C6: variants seen among roughly 807,000 people sequenced by gnomAD.
C6 encodes the protein complement component C6.
C6 carries 101 observed loss-of-function variants against 112.9 expected under a neutral mutation model. That is an observed-to-expected ratio of 0.89 (90% CI 0.76 to 1.06). The LOEUF is 1.06. Among genes scored for constraint, C6 ranks in the 50% least tolerant of loss-of-function variants. The pLI, the probability that C6 is intolerant of heterozygous loss-of-function variation, is 0.00. For synonymous variants in C6, 431 were observed against 384.1 expected, an observed-to-expected ratio of 1.12 and a Z score of -1.43; for missense variants, 1,202 against 1,104.6, an observed-to-expected ratio of 1.09 and a Z score of -1.25.
chr5:41,157,756 A>G (rs1747055671), intron 13 of C6, among the ~76,000 whole-genome samples: 1 of 152,190 alleles, frequency 6.6e-6, no homozygotes, highest in African/African-American at 2.4e-5. Context: ...AGTGAGACCC[A>G]ATGATCTGTG....
At chr5:41,197,615 G>A (rs1328572159) in intron 4 of C6, among the ~76,000 whole-genome samples, 7 of 152,152 alleles carry the variant, frequency 4.6e-5, no homozygotes, top group African/African-American at 1.7e-4. Flanking sequence ...TTAGCTTTGT[G>A]AGCAGAGTAC....
At chr5:41,255,778 G>A (rs942311659) in intron 1 of C6, among the ~76,000 whole-genome samples, 1 of 152,202 alleles carries the variant, frequency 6.6e-6, no homozygotes, top group African/African-American at 2.4e-5. Flanking sequence ...AATATGAGTG[G>A]CCAGCTTGGT....
chr5:41,231,901 T>TC (rs1449179327), intron 1 of C6, among the ~76,000 whole-genome samples: 2 of 151,938 alleles, frequency 1.3e-5, no homozygotes, highest in Non-Finnish European at 1.5e-5. Context: ...GTTTTTTTTT[T>TC]CTGGCACAGT....
rs74610007 is a variant in C6 at position 41,259,777 on chromosome 5, T to G, written c.-21+1417A>C. Among the ~76,000 whole-genome samples the G allele has an allele frequency of 1.6e-3, 239 of 152,332 alleles. 12 individuals carry two copies. In the East Asian group the frequency reaches 0.044, roughly 28 times the overall value. On this transcript the variant is annotated intron_variant, in intron 1 of 17. Transcript: ENST00000263413. Reference sequence around the variant, plus strand: ...AATAAAATTATCCATTATTTTTTCCTAATATCTCCCAAATGTCGTACCTAT... The same window carrying G: ...AATAAAATTATCCATTATTTTTTCCGAATATCTCCCAAATGTCGTACCTAT...
At chr5:41,202,984 G>A in intron 2 of C6, 104 bp downstream of exon 2, 1 of 1,089,250 alleles carries the variant, frequency 9.2e-7, no homozygotes, top group Non-Finnish European at 1.4e-6. Flanking sequence ...TTCTTACTTT[G>A]ATATATATAT....
At chr5:41,241,143 C>T (rs1457380917) in intron 1 of C6, among the ~76,000 whole-genome samples, 2 of 152,144 alleles carry the variant, frequency 1.3e-5, no homozygotes, top group Non-Finnish European at 2.9e-5. Context: ...CCCTGGTTGG[C>T]ATGCCCCAGC....
chr5:41,169,087 A>G (rs1324214787), intron 9 of C6, among the ~76,000 whole-genome samples: 1 of 152,172 alleles, frequency 6.6e-6, no homozygotes, highest in Non-Finnish European at 1.5e-5. Flanking sequence ...AAGGATATGG[A>G]TCTAGTAACC....
intron 5 of C6, among the ~76,000 whole-genome samples, chr5:41,195,462 A>T (rs879279945): frequency 3.3e-5 from 5 of 151,952 alleles, no homozygotes; most frequent in Non-Finnish European, 7.4e-5. Context: ...CCACCCTGGC[A>T]CCTCCCAGCT....
intron 5 of C6, 86 bp from the exon 6 acceptor site, chr5:41,186,294 C>T: frequency 6.8e-7 from 1 of 1,463,462 alleles, no homozygotes. Flanking sequence ...AATTCCTCTT[C>T]TAAACCTTTT....
intron 1 of C6, among the ~76,000 whole-genome samples, chr5:41,228,538 T>C (rs1407306789): frequency 6.6e-6 from 1 of 152,158 alleles, no homozygotes; most frequent in African/African-American, 2.4e-5. Context: ...TTCCTAATTG[T>C]TGAGAAAAAG....
rs201235526 is a variant in C6 at position 41,160,242 on chromosome 5, A to T, written c.1584T>A (p.Asn528Lys). The T allele has an allele frequency of 6.2e-7, 1 of 1,613,914 alleles. No homozygotes were observed. The highest frequency in any genetic ancestry group is 2.2e-5 in the East Asian group (1 of 44,876). The change falls in exon 11 of 18, where the codon AAT becomes AAA. Residue 528 changes from asparagine (N) to lysine (K), a missense_variant. Coordinates refer to ENST00000337836, the MANE Select transcript of C6 (RefSeq NM_000065.5). ...TCCCTGAGAGGGTGGGTCGGCCATT[A>T]TTAGGGCATGGAGCACACTGGCAAG... is the stretch of plus-strand genomic sequence containing the variant. The part of the protein sequence containing the change: ...FDPCQCAPCP[N>K]NGRPTLSGTE...
At chr5:41,143,138 A>C in intron 17 of C6, 132 bp from the exon 18 acceptor site, 1 of 757,920 alleles carries the variant, frequency 1.3e-6, no homozygotes. Flanking sequence ...TTCTCTAATG[A>C]ATGAGAAAGC....
At position 41,153,904 on chromosome 5, in the gene C6, G is replaced by T; in HGVS notation, c.2196C>A (p.Cys732Ter). The change falls in exon 15 of 18, where the codon TGC becomes TGA. Residue 732 changes from cysteine to a stop codon, truncating the protein, a stop_gained. Transcript: ENST00000337836. LOFTEE classifies it high-confidence loss of function. ...YRIGESIELT[C>*]PKGFVVAGPS... is the part of the protein sequence containing the mutation. ...GCCCAGCAACAACAAAGCCTTTGGG[G>T]CAAGTTAGCTCAATGGATTCACCAA... The T allele has an allele frequency of 6.2e-7, 1 of 1,613,518 alleles. No individual in the cohort carries two copies. Among genetic ancestry groups the T allele is most frequent in the East Asian group, 2.2e-5 (1 of 44,844 alleles).
chr5:41,197,225 TC>T (rs1750685557), intron 4 of C6, among the ~76,000 whole-genome samples: 1 of 152,136 alleles, frequency 6.6e-6, no homozygotes, highest in South Asian at 2.1e-4. Flanking sequence ...AATTACATTT[TC>T]CATCTTGCAT....
intron 1 of C6, among the ~76,000 whole-genome samples, chr5:41,207,064 C>T (rs544560322): frequency 2.6e-5 from 4 of 152,254 alleles, no homozygotes; most frequent in East Asian, 1.9e-4. Context: ...AGAGTAGGGG[C>T]CAATATACAA....
chr5:41,225,345 G>T (rs1348327312), intron 1 of C6, among the ~76,000 whole-genome samples: 7 of 151,660 alleles, frequency 4.6e-5, no homozygotes, highest in African/African-American at 1.5e-4. Flanking sequence ...GCGATAGTTT[G>T]CTGAGAATGG....
intron 7 of C6, among the ~76,000 whole-genome samples, chr5:41,178,802 A>G (rs995761883): frequency 2.7e-5 from 4 of 150,882 alleles, no homozygotes; most frequent in Non-Finnish European, 5.9e-5. Flanking sequence ...AAATTCCTTA[A>G]TTCTGTTCAG....
exon 1 of C6, chr5:41,261,289 T>G: frequency 4.4e-6 from 3 of 682,858 alleles, no homozygotes; most frequent in Non-Finnish European, 5.4e-6. Flanking sequence ...TTATGAGCTC[T>G]CAGCAGGAAT....
intron 13 of C6, 124 bp from the exon 14 acceptor site, chr5:41,155,228 T>C: frequency 1.2e-6 from 1 of 844,252 alleles, no homozygotes; most frequent in Non-Finnish European, 1.9e-6. Context: ...GTCCTCTCAA[T>C]TTCTACTTCT....
Sources: gnomAD v4.1 joint callset for allele counts (sites outside exome capture counted in the v4.1 genomes callset) on GRCh38, gnomAD v4.1.1 for gene constraint, MANE v1.5 for transcripts, NCBI Gene and HGNC (gene_info 2026-07-23, HGNC 2026-07-21) for gene names.